PLCXD3: variants seen among roughly 807,000 people sequenced by gnomAD.
PLCXD3 encodes PI-PLC X domain-containing protein 3.
Under a neutral mutation model 25.5 loss-of-function variants are expected in PLCXD3, and 19 were observed. That is an observed-to-expected ratio of 0.75 (90% confidence interval 0.52 to 1.09). The LOEUF (loss-of-function observed/expected upper bound fraction) is 1.09, where lower values mean the gene tolerates loss of function less well. Among genes scored for constraint, PLCXD3 ranks in the 50% least tolerant of loss-of-function variants. The pLI, the probability that PLCXD3 is intolerant of heterozygous loss-of-function variation, is 0.00. For synonymous variants in PLCXD3, 174 were observed against 137.6 expected (o/e 1.26, Z -1.85); for missense variants, 411 against 388.1 (o/e 1.06, Z -0.50).
intron 1 of PLCXD3, among the ~76,000 whole-genome samples, chr5:41,399,561 T>A (rs1746116643): frequency 6.6e-6 from 1 of 151,886 alleles, no homozygotes; most frequent in Admixed American, 6.6e-5. Context: ...TTAAACTCAG[T>A]TTAGATAAAG....
chr5:41,467,732 G>T lies in PLCXD3; in HGVS notation c.103+42692C>A, dbSNP rs566159289. ...CTTTAATCCATTTTGATTGATTTTTGTATGTAGTATAAGATTAGAGTCTAA... is the reference window on the plus strand; with the variant it reads ...CTTTAATCCATTTTGATTGATTTTTTTATGTAGTATAAGATTAGAGTCTAA... On this transcript the variant is annotated intron_variant, in intron 1 of 2. Coordinates refer to ENST00000377801, the MANE Select transcript of PLCXD3 (RefSeq NM_001005473.3). Among the ~76,000 whole-genome samples, 57 of 152,198 alleles carry T rather than the reference G, an allele frequency of 3.7e-4. 1 individual carries two copies. The East Asian group carries it at 5.2e-3, about 14-fold the overall frequency.
chr5:41,449,040 T>G (rs2150513569), intron 1 of PLCXD3, among the ~76,000 whole-genome samples: 1 of 152,268 alleles, frequency 6.6e-6, no homozygotes, highest in East Asian at 1.9e-4. Flanking sequence ...CCAGAAAACT[T>G]TCTATATCCA....
intron 1 of PLCXD3, among the ~76,000 whole-genome samples, chr5:41,435,196 G>A (rs538084774): frequency 4.6e-5 from 7 of 152,220 alleles, no homozygotes; most frequent in African/African-American, 1.7e-4. Context: ...TATGCCCTGG[G>A]CATTTCTCCA....
At chr5:41,422,782 T>C (rs1028173344) in intron 1 of PLCXD3, among the ~76,000 whole-genome samples, 13 of 152,204 alleles carry the variant, frequency 8.5e-5, no homozygotes, top group African/African-American at 3.1e-4. Context: ...TGGCATTTTT[T>C]TCCAGTATGT....
At chr5:41,320,260 T>A (rs1274474979) in intron 2 of PLCXD3, among the ~76,000 whole-genome samples, 1 of 152,128 alleles carries the variant, frequency 6.6e-6, no homozygotes, top group Admixed American at 6.5e-5. Flanking sequence ...ACTCACTCTA[T>A]GAGGCCAGTA....
At chr5:41,482,288 A>G (rs1050688577) in intron 1 of PLCXD3, among the ~76,000 whole-genome samples, 1 of 152,134 alleles carries the variant, frequency 6.6e-6, no homozygotes, top group Non-Finnish European at 1.5e-5. Context: ...TTTCTGGATG[A>G]ATGAGTCCCA....
chr5:41,330,554 C>A (rs939459171), intron 2 of PLCXD3, among the ~76,000 whole-genome samples: 6 of 152,260 alleles, frequency 3.9e-5, no homozygotes, highest in Admixed American at 3.9e-4. Flanking sequence ...TGAAACTATT[C>A]CAATCAATAG....
chr5:41,336,420 T>C (rs1743981330), intron 2 of PLCXD3, among the ~76,000 whole-genome samples: 1 of 152,158 alleles, frequency 6.6e-6, no homozygotes, highest in South Asian at 2.1e-4. Context: ...TACTCCATTA[T>C]TAGTGTTAAT....
chr5:41,368,739 ATCATGAAGG>A (rs1745008122), intron 2 of PLCXD3, among the ~76,000 whole-genome samples: 1 of 152,162 alleles, frequency 6.6e-6, no homozygotes, highest in South Asian at 2.1e-4. Flanking sequence ...GAGAGCTTTT[ATCATGAAGG>A]GATGTTGAAT....
intron 1 of PLCXD3, among the ~76,000 whole-genome samples, chr5:41,427,614 T>C (rs534220124): frequency 3.0e-4 from 46 of 152,314 alleles, no homozygotes; most frequent in African/African-American, 1.1e-3. Flanking sequence ...TGCTGCCTAA[T>C]ATTCACAGAA....
intron 2 of PLCXD3, among the ~76,000 whole-genome samples, chr5:41,326,451 A>T (rs1208155634): frequency 6.6e-6 from 1 of 152,124 alleles, no homozygotes; most frequent in African/African-American, 2.4e-5. Flanking sequence ...AGTGTGTATG[A>T]GTTTTTCCTA....
intron 2 of PLCXD3, among the ~76,000 whole-genome samples, chr5:41,330,458 C>T (rs1007494309): frequency 6.6e-6 from 1 of 152,120 alleles, no homozygotes; most frequent in African/African-American, 2.4e-5. Flanking sequence ...TAATCAATAG[C>T]TTACCAACCA....
At chr5:41,418,286 T>C (rs1036144668) in intron 1 of PLCXD3, among the ~76,000 whole-genome samples, 1 of 152,202 alleles carries the variant, frequency 6.6e-6, no homozygotes, top group Non-Finnish European at 1.5e-5. Flanking sequence ...TCTTTTGTTT[T>C]TAAGATAAAA....
intron 1 of PLCXD3, among the ~76,000 whole-genome samples, chr5:41,487,812 A>G (rs1748554698): frequency 6.6e-6 from 1 of 152,108 alleles, no homozygotes; most frequent in African/African-American, 2.4e-5. Flanking sequence ...GGATTGGATT[A>G]GTGAGAAAGG....
At chr5:41,422,663 C>A (rs1746855218) in intron 1 of PLCXD3, among the ~76,000 whole-genome samples, 1 of 152,198 alleles carries the variant, frequency 6.6e-6, no homozygotes, top group East Asian at 1.9e-4. Context: ...TTCCTCAGAT[C>A]TTCTTTTAAA....
At chr5:41,488,175 T>C (rs77229489) in intron 1 of PLCXD3, among the ~76,000 whole-genome samples, 1 of 150,552 alleles carries the variant, frequency 6.6e-6, no homozygotes, top group Non-Finnish European at 1.5e-5. Context: ...ATATGCGGTG[T>C]TTGTTTGGTT....
intron 1 of PLCXD3, among the ~76,000 whole-genome samples, chr5:41,495,070 G>A (rs562252434): frequency 5.9e-5 from 9 of 152,356 alleles, no homozygotes; most frequent in African/African-American, 2.2e-4. Flanking sequence ...CACTCCAGAT[G>A]AGCAAGAAAT....
intron 1 of PLCXD3, among the ~76,000 whole-genome samples, chr5:41,411,557 GGCACAAAC>G (rs1746520159): frequency 9.2e-5 from 14 of 152,108 alleles, no homozygotes; most frequent in Admixed American, 7.2e-4. Flanking sequence ...TTATAAAACT[GGCACAAAC>G]AAACAAACTG....
chr5:41,363,002 T>C (rs1744832411), intron 2 of PLCXD3, among the ~76,000 whole-genome samples: 1 of 152,182 alleles, frequency 6.6e-6, no homozygotes, highest in Admixed American at 6.5e-5. Flanking sequence ...CATATTATAG[T>C]ACATATGTCC....
Sources: gnomAD v4.1 joint callset for allele counts (sites outside exome capture counted in the v4.1 genomes callset) on GRCh38, gnomAD v4.1.1 for gene constraint, MANE v1.5 for transcripts, NCBI Gene and HGNC (gene_info 2026-07-23, HGNC 2026-07-21) for gene names.